CCND3: variants seen among roughly 807,000 people sequenced by gnomAD.
CCND3 encodes G1/S-specific cyclin-D3.
CCND3 carries 9 observed loss-of-function variants against 28.7 expected under a neutral mutation model. The observed-to-expected ratio is 0.31, with a 90% CI of 0.19 to 0.55. The LOEUF is 0.55. CCND3 is among the 20% of genes least tolerant of loss of function. The pLI is 0.93. For missense variants in CCND3, 315 were observed against 385.8 expected, an observed-to-expected ratio of 0.82 and a Z score of 1.54; for synonymous variants, 164 against 163.9, an observed-to-expected ratio of 1.00 and a Z score of 0.00.
chr6:42,032,531 C>A (rs1319338035), intron 1 of CCND3, among the ~76,000 whole-genome samples: 1 of 152,248 alleles, frequency 6.6e-6, no homozygotes, highest in Non-Finnish European at 1.5e-5. Flanking sequence ...GAATTTAGCA[C>A]ATGAGAAGGC....
chr6:42,001,770 C>T (rs1163084851), intron 1 of CCND3, among the ~76,000 whole-genome samples: 5 of 151,964 alleles, frequency 3.3e-5, no homozygotes, highest in Admixed American at 2.0e-4. Context: ...TAGAACTGTC[C>T]CATATTTTGA....
rs553896566 is a variant in CCND3, at chr6:41,941,374, C to G, written c.198+78G>C. 9 of 1,564,156 alleles carry G rather than the reference C, an allele frequency of 5.8e-6. No homozygotes were observed. Among genetic ancestry groups the G allele is most frequent in the Non-Finnish European group, 7.8e-6 (9 of 1,159,436 alleles). On this transcript the variant is annotated intron_variant, in intron 1 of 4. Coordinates refer to ENST00000372991, the MANE Select transcript of CCND3 (RefSeq NM_001760.5). This position sits in a 1 kb window ranked among gnomAD's most constrained non-coding sequence, Gnocchi z 6.1. ...AGCATCCTGCAGATTGCTGTGGGGA[C>G]CGGGATGTCCCGACAGGGCGGCCCC... is the stretch of plus-strand genomic sequence containing the variant.
rs3050131 is a variant in CCND3 at position 41,941,783 on chromosome 6, CCGCG to C, written c.-138_-135del. ...GGCGGATCCCCAGCCCGCCCGCCGC[CCGCG>C]CGCGCGCGCCGCTTCCCTGACAGGC... On this transcript the variant is annotated 5_prime_UTR_variant, in exon 1 of 5. Transcript: ENST00000372991. This position sits in a 1 kb window ranked among gnomAD's most constrained non-coding sequence, Gnocchi z 6.1. 41 of 354,748 alleles carry C rather than the reference CCGCG, an allele frequency of 1.2e-4. No homozygotes were observed. Among genetic ancestry groups the C allele is most frequent in the Non-Finnish European group, 1.6e-4 (33 of 209,974 alleles). The allele number at this position is 354,748 out of a possible 1,614,324, so 22.0% of individuals were successfully genotyped here.
At chr6:41,982,546 T>A (rs1762378108) in intron 1 of CCND3, among the ~76,000 whole-genome samples, 1 of 152,130 alleles carries the variant, frequency 6.6e-6, no homozygotes, top group Non-Finnish European at 1.5e-5. Context: ...ACTTAAAACC[T>A]CAGCAATTGA....
chr6:42,024,269 G>C (rs1763800240), intron 1 of CCND3, among the ~76,000 whole-genome samples: 1 of 152,040 alleles, frequency 6.6e-6, no homozygotes, highest in South Asian at 2.1e-4. Context: ...CAGGCATGTT[G>C]GCGGGCACCT....
upstream of CCND3, among the ~76,000 whole-genome samples, chr6:41,946,403 C>G (rs1470267199): frequency 6.6e-6 from 1 of 151,324 alleles, no homozygotes; most frequent in African/African-American, 2.4e-5. Context: ...TTGAGACCGC[C>G]TGGCCAACAC....
At chr6:41,951,641 T>G (rs1227574652) in intron 1 of CCND3, among the ~76,000 whole-genome samples, 1 of 151,278 alleles carries the variant, frequency 6.6e-6, no homozygotes, top group Non-Finnish European at 1.5e-5. Context: ...AAAGAAAGTT[T>G]AGGTGGGGGG....
intron 1 of CCND3, among the ~76,000 whole-genome samples, chr6:41,947,030 C>T (rs1015615484): frequency 1.3e-5 from 2 of 152,000 alleles, no homozygotes; most frequent in African/African-American, 4.8e-5. Flanking sequence ...CCAGCCTAAC[C>T]AACATGGTGA....
intron 1 of CCND3, among the ~76,000 whole-genome samples, chr6:41,947,002 G>A (rs1231691592): frequency 2.0e-5 from 3 of 152,100 alleles, no homozygotes; most frequent in East Asian, 1.9e-4. Context: ...GGCAGATCAC[G>A]AGGTCAGGAG....
intron 1 of CCND3, among the ~76,000 whole-genome samples, chr6:41,954,853 C>T (rs551337897): frequency 9.9e-5 from 15 of 152,130 alleles, no homozygotes; most frequent in Non-Finnish European, 1.9e-4. Context: ...CACTGTGCTG[C>T]GATGCCTGGA....
Position 41,977,700 on chromosome 6 carries a change from T to G in CCND3, c.-45-37115A>C, listed in dbSNP as rs114921610. ...TTTAAATGGAATGCATTTTCTTATA[T>G]GAAAAATTCAGTGCATTATCTGGTG... On this transcript the variant is annotated intron_variant, in intron 1 of 4. Transcript: ENST00000372988. Among the ~76,000 whole-genome samples, 657 of 152,236 alleles carry G rather than the reference T, an allele frequency of 4.3e-3. 3 individuals are homozygous for G. The highest frequency in any genetic ancestry group is 0.015 in the African/African-American group (634 of 41,554).
intron 1 of CCND3, among the ~76,000 whole-genome samples, chr6:41,997,899 T>C (rs1398825847): frequency 6.6e-6 from 1 of 151,586 alleles, no homozygotes; most frequent in Non-Finnish European, 1.5e-5. Context: ...CCCAGCACTT[T>C]GGGAGGCTGA....
At chr6:42,028,954 A>T (rs1372035913) in intron 1 of CCND3, among the ~76,000 whole-genome samples, 4 of 147,742 alleles carry the variant, frequency 2.7e-5, no homozygotes, top group African/African-American at 1.0e-4. Flanking sequence ...ATGCTCTGTC[A>T]CCACCACCTT....
rs149200216 is a variant in CCND3, at chr6:42,048,496, C to A, written c.-46+5G>T. The A allele has an allele frequency of 1.5e-4, 75 of 510,758 alleles. No individual in the cohort carries two copies. The Middle Eastern group carries it at 1.9e-3, about 13-fold the overall frequency. 31.6% of individuals were successfully genotyped at this position (510,758 alleles called of 1,614,324 possible). ...TACCCCGGTTTCTCCAGCACCCAAG[C>A]CTACCTCCTCGTCAGGTGACCTCCC... On this transcript the variant is annotated splice_donor_5th_base_variant and intron_variant, in intron 1 of 4. Transcript: ENST00000372988. The surrounding 1 kb of genome is among the most constrained non-coding windows in gnomAD (Gnocchi z 4.7).
chr6:41,946,595 CAAA>C (rs35369019), upstream of CCND3, among the ~76,000 whole-genome samples: 3 of 20,932 alleles, frequency 1.4e-4, no homozygotes, highest in Non-Finnish European at 2.5e-4. Context: ...AGACCTGTCT[CAAA>C]AAAAAAAAAA....
intron 1 of CCND3, among the ~76,000 whole-genome samples, chr6:42,040,874 A>G (rs1423153869): frequency 1.3e-5 from 2 of 149,978 alleles, no homozygotes; most frequent in Admixed American, 6.6e-5. Context: ...CAAACAAAAA[A>G]AAAACAAAAA....
chr6:42,048,642 G>C lies in CCND3; in HGVS notation c.-187C>G, dbSNP rs755010930. ...AGGATTGCACCTCTCCCCCCCGGCC[G>C]GCATCCGAACAGAGCCAGTCTCCAC... On this transcript the variant is annotated 5_prime_UTR_variant, in exon 1 of 5. Coordinates refer to the CCND3 transcript ENST00000372988. This position sits in a 1 kb window ranked among gnomAD's most constrained non-coding sequence, Gnocchi z 4.7. 1.9e-6 allele frequency: 1 copy of C among 518,266 alleles called. No individual in the cohort carries two copies. Among genetic ancestry groups the C allele is most frequent in the Non-Finnish European group, 3.9e-6 (1 of 259,622 alleles). The allele number at this position is 518,266 out of a possible 1,614,324, so 32.1% of individuals were successfully genotyped here. A position where few individuals can be genotyped will look rare whatever the true frequency, so the allele number is the denominator to read the frequency against.
rs1222474549 is a variant in CCND3 at position 41,938,962 on chromosome 6, G to A, written c.414+1408C>T. 1.3e-5 allele frequency among the ~76,000 whole-genome samples: 2 copies of A among 152,000 alleles called. No individual in the cohort carries two copies. Among genetic ancestry groups the A allele is most frequent in the East Asian group, 3.9e-4 (2 of 5,194 alleles). On this transcript the variant is annotated intron_variant, in intron 2 of 4. Transcript: ENST00000372991. The surrounding 1 kb of genome is among the most constrained non-coding windows in gnomAD (Gnocchi z 4.6). The stretch of plus-strand genomic sequence containing the variant: ...TCAGGCAGAGGGAAGAGTACTTTTT[G>A]CCTGTACTGAAAAACCCTCATACGT...
chr6:42,028,193 C>G (rs1048644430), intron 1 of CCND3, among the ~76,000 whole-genome samples: 1 of 152,148 alleles, frequency 6.6e-6, no homozygotes, highest in African/African-American at 2.4e-5. Flanking sequence ...CATGGGAATA[C>G]GGAGGACACA....
Sources: allele counts gnomAD v4.1 joint callset (sites outside exome capture counted in the v4.1 genomes callset), GRCh38; gene constraint gnomAD v4.1.1; non-coding constraint Gnocchi (gnomAD v3.1); transcripts MANE v1.5; gene names NCBI Gene and HGNC (gene_info 2026-07-23, HGNC 2026-07-21).